C16orf54: variants seen among roughly 807,000 people sequenced by gnomAD.
C16orf54 encodes the protein chromosome 16 open reading frame 54, also known as transmembrane protein C16orf54.
Under a neutral mutation model 3.9 loss-of-function variants are expected in C16orf54, and 2 were observed. The ratio of observed to expected loss-of-function variants is 0.52; its 90% CI spans 0.21 to 1.63. The LOEUF is 1.63. Among genes scored for constraint, C16orf54 ranks in the 40% most tolerant of loss-of-function variants. The pLI is 0.21. For synonymous variants in C16orf54, 128 were observed against 135.1 expected (o/e 0.95, Z 0.37); for missense variants, 272 against 326.3 (o/e 0.83, Z 1.28).
Position 29,744,347 on chromosome 16 carries a change from TGGAGGCCC to T in C16orf54, c.597_604del (p.Trp199Ter). 6.2e-7 allele frequency: 1 copy of T among 1,612,906 alleles called. No individual in the cohort carries two copies. Among genetic ancestry groups the T allele is most frequent in the Non-Finnish European group, 8.5e-7 (1 of 1,179,964 alleles). On this transcript the variant is annotated stop_gained and frameshift_variant, in exon 2 of 2. Transcript: ENST00000329410. LOFTEE classifies it high-confidence loss of function. The surrounding 1 kb of genome is among the most constrained non-coding windows in gnomAD (Gnocchi z 7.1). Reference sequence around the variant, plus strand: ...GATCTGCTCCAAGGTGACCCGTGGCTGGAGGCCCCACTCAGGATCCGGGCTCCCTGGCC... The same window carrying T: ...GATCTGCTCCAAGGTGACCCGTGGCTCACTCAGGATCCGGGCTCCCTGGCC...
Position 29,743,107 on chromosome 16 carries a change from G to T in C16orf54, c.*1170C>A, listed in dbSNP as rs888780411. 1.3e-5 allele frequency: 2 copies of T among 151,938 alleles called. No homozygotes were observed. The highest frequency in any genetic ancestry group is 1.9e-4 in the East Asian group (1 of 5,170). The allele number at this position is 151,938 out of a possible 1,614,324, so 9.4% of individuals were successfully genotyped here. A position where few individuals can be genotyped will look rare whatever the true frequency, so the allele number is the denominator to read the frequency against. ...ACAAAAAAAATACAAAAATTAGCTG[G>T]GCGTGGTGGTATGCACCTGCAGTCC... is the stretch of plus-strand genomic sequence containing the variant. On this transcript the variant is annotated 3_prime_UTR_variant, in exon 2 of 2. Transcript: ENST00000329410.
At chr16:29,745,397 C>T in intron 1 of C16orf54, 1 of 154,774 alleles carries the variant, frequency 6.5e-6, no homozygotes, top group Non-Finnish European at 1.4e-5. Context: ...TAAGCGTGAG[C>T]CAGGTGGGGT....
At chr16:29,745,666 G>A (rs1202402478) in intron 1 of C16orf54, among the ~76,000 whole-genome samples, 1 of 151,950 alleles carries the variant, frequency 6.6e-6, no homozygotes, top group African/African-American at 2.4e-5. Flanking sequence ...CAGCACCTCC[G>A]CTGGCCCCTT....
At position 29,744,614 on chromosome 16, in the gene C16orf54, T is replaced by G; in HGVS notation, c.338A>C (p.Gln113Pro). 1 of 1,464,170 alleles carries G rather than the reference T, an allele frequency of 6.8e-7. No homozygotes were observed. Among genetic ancestry groups the G allele is most frequent in the Non-Finnish European group, 9.0e-7 (1 of 1,108,408 alleles). The allele number at this position is 1,464,170 out of a possible 1,614,324, so 90.7% of individuals were successfully genotyped here. Residue 113 changes from glutamine to proline, a missense_variant, in exon 2 of 2, where the codon CAG becomes CCG. Physicochemically the swap from Gln to Pro is moderately conservative, Grantham distance 76 (BLOSUM62 -1). Coordinates refer to ENST00000329410, the MANE Select transcript of C16orf54 (RefSeq NM_175900.4). This position sits in a 1 kb window ranked among gnomAD's most constrained non-coding sequence, Gnocchi z 7.1. ...TGCTCGGGCCTCCAAAGTGCCCACC[T>G]GGGTGGGAGGCTCAGGGGCCCGATC... is the stretch of plus-strand genomic sequence containing the variant. ...LTDRAPEPPT[Q>P]VGTLEARATA...
chr16:29,744,144 G>T lies in C16orf54; in HGVS notation c.*133C>A. 1 of 837,510 alleles carries T rather than the reference G, an allele frequency of 1.2e-6. No individual in the cohort carries two copies. The highest frequency in any genetic ancestry group is 1.9e-6 in the Non-Finnish European group (1 of 518,448). 51.9% of individuals were successfully genotyped at this position (837,510 alleles called of 1,614,324 possible). The stretch of plus-strand genomic sequence containing the variant: ...CTGGCCACCACCCAGACCCGGGGAG[G>T]GGGACTCCAGGTGGAAGGAGCCTGG... On this transcript the variant is annotated 3_prime_UTR_variant, in exon 2 of 2. Coordinates refer to ENST00000329410, the MANE Select transcript of C16orf54 (RefSeq NM_175900.4). This position sits in a 1 kb window ranked among gnomAD's most constrained non-coding sequence, Gnocchi z 7.1.
chr16:29,745,478 C>A (rs1968125269), intron 1 of C16orf54: 1 of 152,666 alleles, frequency 6.6e-6, no homozygotes, highest in Admixed American at 6.5e-5. Context: ...TTTCCAGAAT[C>A]CCCATTTCCC....
At position 29,743,264 on chromosome 16, in the gene C16orf54, A is replaced by G. The variant is rs1968086144; in HGVS notation, c.*1013T>C. 1.3e-5 allele frequency: 2 copies of G among 151,124 alleles called. No individual in the cohort carries two copies. 9.4% of individuals were successfully genotyped at this position (151,124 alleles called of 1,614,324 possible). A position where few individuals can be genotyped will look rare whatever the true frequency, so the allele number is the denominator to read the frequency against. ...GATTCTGTCTCAAAAAAAAAAAAAAAAAAAAAAAAAAGACAAAGTTTGGAA... is the reference window on the plus strand; with the variant it reads ...GATTCTGTCTCAAAAAAAAAAAAAAGAAAAAAAAAAAGACAAAGTTTGGAA... On this transcript the variant is annotated 3_prime_UTR_variant, in exon 2 of 2. Coordinates refer to ENST00000329410, the MANE Select transcript of C16orf54 (RefSeq NM_175900.4).
In C16orf54 at chr16:29,743,214, A is replaced by C. The variant is rs1968084414; in HGVS notation, c.*1063T>G. ...TAGTGAGTTGAGATTGTGCCACTGCACTCCAGTCTGGGTGACAGAGTTGAG... is the reference window on the plus strand; with the variant it reads ...TAGTGAGTTGAGATTGTGCCACTGCCCTCCAGTCTGGGTGACAGAGTTGAG... On this transcript the variant is annotated 3_prime_UTR_variant, in exon 2 of 2. Transcript: ENST00000329410. The C allele has an allele frequency of 8.1e-6, 1 of 123,340 alleles. No individual in the cohort carries two copies. Among genetic ancestry groups the C allele is most frequent in the Non-Finnish European group, 1.6e-5 (1 of 62,862 alleles). The allele number at this position is 123,340 out of a possible 1,614,324, so 7.6% of individuals were successfully genotyped here. A position where few individuals can be genotyped will look rare whatever the true frequency, so the allele number is the denominator to read the frequency against.
rs1968103958 is a variant in C16orf54, at chr16:29,744,165, C to G, written c.*112G>C. 3 of 1,007,170 alleles carry G rather than the reference C, an allele frequency of 3.0e-6. No homozygotes were observed. The highest frequency in any genetic ancestry group is 4.5e-6 in the Non-Finnish European group (3 of 668,042). 62.4% of individuals were successfully genotyped at this position (1,007,170 alleles called of 1,614,324 possible). On this transcript the variant is annotated 3_prime_UTR_variant, in exon 2 of 2. Coordinates refer to ENST00000329410, the MANE Select transcript of C16orf54 (RefSeq NM_175900.4). This position sits in a 1 kb window ranked among gnomAD's most constrained non-coding sequence, Gnocchi z 7.1. The stretch of plus-strand genomic sequence containing the variant: ...GGAGGGGGACTCCAGGTGGAAGGAG[C>G]CTGGGAAGGGCATCTTCGCTGGGGC...
Position 29,744,417 on chromosome 16 carries a change from T to C in C16orf54, c.535A>G (p.Ser179Gly). Residue 179 changes from serine (S) to glycine (G), a missense_variant, in exon 2 of 2, where the codon AGC becomes GGC. Physicochemically the swap from Ser to Gly is moderately conservative, Grantham distance 56. Coordinates refer to ENST00000329410, the MANE Select transcript of C16orf54 (RefSeq NM_175900.4). This position sits in a 1 kb window ranked among gnomAD's most constrained non-coding sequence, Gnocchi z 7.1. ...WAEPEQRPEA[S>G]VQFGSPQARR... is the part of the protein sequence containing the mutation. ...GCCTGGGGGCTCCCAAACTGGACGC[T>C]GGCCTCTGGCCTCTGCTCGGGTTCA... 6.3e-7 allele frequency: 1 copy of C among 1,581,470 alleles called. No homozygotes were observed. Among genetic ancestry groups the C allele is most frequent in the Non-Finnish European group, 8.6e-7 (1 of 1,164,864 alleles).
Position 29,744,960 on chromosome 16 carries a change from C to G in C16orf54, c.1-9G>C. The G allele has an allele frequency of 7.0e-7, 1 of 1,432,666 alleles. No homozygotes were observed. The highest frequency in any genetic ancestry group is 2.7e-5 in the East Asian group (1 of 37,454). The allele number at this position is 1,432,666 out of a possible 1,614,324, so 88.7% of individuals were successfully genotyped here. A position where few individuals can be genotyped will look rare whatever the true frequency, so the allele number is the denominator to read the frequency against. ...TCTGGAGTCAACGGCATCTGAGAGA[C>G]ACAGGGGTGAGAAGAGGAAGTAAAT... On this transcript the variant is annotated splice_polypyrimidine_tract_variant and intron_variant, in intron 1 of 1. Transcript: ENST00000329410. The surrounding 1 kb of genome is among the most constrained non-coding windows in gnomAD (Gnocchi z 7.1).
chr16:29,744,388 C>A lies in C16orf54; in HGVS notation c.564G>T (p.Arg188Ser). 6.2e-7 allele frequency: 1 copy of A among 1,607,182 alleles called. No homozygotes were observed. Among genetic ancestry groups the A allele is most frequent in the Non-Finnish European group, 8.5e-7 (1 of 1,177,644 alleles). The change falls in exon 2 of 2, where the codon AGG (arginine) becomes AGT (serine). Residue 188 changes from arginine to serine, a missense_variant. Physicochemically the swap from Arg to Ser is moderately radical, Grantham distance 110. Transcript: ENST00000329410. This position sits in a 1 kb window ranked among gnomAD's most constrained non-coding sequence, Gnocchi z 7.1. ...GATCCGGGCTCCCTGGCCGCTGCCTCCTGGCCTGGGGGCTCCCAAACTGGA... is the reference window on the plus strand; with the variant it reads ...GATCCGGGCTCCCTGGCCGCTGCCTACTGGCCTGGGGGCTCCCAAACTGGA... ...ASVQFGSPQA[R>S]RQRPGSPDPE...
chr16:29,744,401 C>T lies in C16orf54; in HGVS notation c.551G>A (p.Ser184Asn), dbSNP rs1435855993. Residue 184 changes from serine (S) to asparagine (N), a missense_variant, in exon 2 of 2, where the codon AGC becomes AAC. Coordinates refer to ENST00000329410, the MANE Select transcript of C16orf54 (RefSeq NM_175900.4). The surrounding 1 kb of genome is among the most constrained non-coding windows in gnomAD (Gnocchi z 7.1). ...TGGCCGCTGCCTCCTGGCCTGGGGG[C>T]TCCCAAACTGGACGCTGGCCTCTGG... The part of the protein sequence containing the change: ...QRPEASVQFG[S>N]PQARRQRPGS... The T allele has an allele frequency of 1.9e-6, 3 of 1,601,664 alleles. No individual in the cohort carries two copies. The highest frequency in any genetic ancestry group is 2.6e-6 in the Non-Finnish European group (3 of 1,175,142).
At position 29,744,931 on chromosome 16, in the gene C16orf54, C is replaced by T. The variant is rs370513110; in HGVS notation, c.21G>A (p.Pro7=). 4.9e-5 allele frequency: 71 copies of T among 1,462,410 alleles called. No homozygotes were observed. In the South Asian group the frequency reaches 5.3e-4, roughly 11 times the overall value. 90.6% of individuals were successfully genotyped at this position (1,462,410 alleles called of 1,614,324 possible). ...GGGGCCCCTCCACGCGCCCAGAGGG[C>T]GGCTCTGGAGTCAACGGCATCTGAG... MPLTPE[P]PSGRVEGPPA... Residue 7 remains proline (P), a synonymous_variant, in exon 2 of 2, where the codon CCG becomes CCA. Transcript: ENST00000329410. The surrounding 1 kb of genome is among the most constrained non-coding windows in gnomAD (Gnocchi z 7.1).
chr16:29,744,928 G>A lies in C16orf54; in HGVS notation c.24C>T (p.Pro8=), dbSNP rs756355279. The part of the protein sequence containing the change: MPLTPEP[P]SGRVEGPPAW... Reference sequence around the variant, plus strand: ...CGGGGGGCCCCTCCACGCGCCCAGAGGGCGGCTCTGGAGTCAACGGCATCT... The same window carrying A: ...CGGGGGGCCCCTCCACGCGCCCAGAAGGCGGCTCTGGAGTCAACGGCATCT... Residue 8 remains proline (P), a synonymous_variant, in exon 2 of 2, where the codon CCC becomes CCT. Coordinates refer to ENST00000329410, the MANE Select transcript of C16orf54 (RefSeq NM_175900.4). The surrounding 1 kb of genome is among the most constrained non-coding windows in gnomAD (Gnocchi z 7.1). 1 of 1,467,390 alleles carries A rather than the reference G, an allele frequency of 6.8e-7. No homozygotes were observed. Among genetic ancestry groups the A allele is most frequent in the East Asian group, 2.6e-5 (1 of 38,688 alleles). The allele number at this position is 1,467,390 out of a possible 1,614,324, so 90.9% of individuals were successfully genotyped here.
In C16orf54 at chr16:29,742,523, T is replaced by C. The variant is rs557969843; in HGVS notation, c.*1754A>G. 8.5e-5 allele frequency: 13 copies of C among 152,346 alleles called. No individual in the cohort carries two copies. The highest frequency in any genetic ancestry group is 7.8e-4 in the Admixed American group (12 of 15,304). The allele number at this position is 152,346 out of a possible 1,614,324, so 9.4% of individuals were successfully genotyped here. Reference sequence around the variant, plus strand: ...TTCTATTGATGGCAAATGAGACTGGTTTTCCATTTACAGAAGTGATACAAA... The same window carrying C: ...TTCTATTGATGGCAAATGAGACTGGCTTTCCATTTACAGAAGTGATACAAA... On this transcript the variant is annotated 3_prime_UTR_variant, in exon 2 of 2. Coordinates refer to ENST00000329410, the MANE Select transcript of C16orf54 (RefSeq NM_175900.4).
At position 29,744,541 on chromosome 16, in the gene C16orf54, C is replaced by T; in HGVS notation, c.411G>A (p.Leu137=). Residue 137 remains leucine, a synonymous_variant, in exon 2 of 2, where the codon TTG becomes TTA. Coordinates refer to ENST00000329410, the MANE Select transcript of C16orf54 (RefSeq NM_175900.4). This position sits in a 1 kb window ranked among gnomAD's most constrained non-coding sequence, Gnocchi z 7.1. ...GGACCTCCAGTACGGTCTGGGGGCCCAAGTTGCTGGGAGCAGAATTTGGGG... is the reference window on the plus strand; with the variant it reads ...GGACCTCCAGTACGGTCTGGGGGCCTAAGTTGCTGGGAGCAGAATTTGGGG... ...PSAPNSAPSN[L]GPQTVLEVPA... 1 of 1,498,698 alleles carries T rather than the reference C, an allele frequency of 6.7e-7. No individual in the cohort carries two copies. The highest frequency in any genetic ancestry group is 8.9e-7 in the Non-Finnish European group (1 of 1,125,034). 92.8% of individuals were successfully genotyped at this position (1,498,698 alleles called of 1,614,324 possible). A position where few individuals can be genotyped will look rare whatever the true frequency, so the allele number is the denominator to read the frequency against.
At chr16:29,745,379 A>G (rs1968124203) in intron 1 of C16orf54, 1 of 156,862 alleles carries the variant, frequency 6.4e-6, no homozygotes, top group African/African-American at 2.4e-5. Context: ...AAGAGGGACC[A>G]GAAAGGGTAA....
At position 29,744,322 on chromosome 16, in the gene C16orf54, G is replaced by A; in HGVS notation, c.630C>T (p.Ile210=). 1 of 1,613,056 alleles carries A rather than the reference G, an allele frequency of 6.2e-7. No individual in the cohort carries two copies. The highest frequency in any genetic ancestry group is 8.5e-7 in the Non-Finnish European group (1 of 1,180,002). The change falls in exon 2 of 2, where the codon ATC becomes ATT. Residue 210 remains isoleucine, a synonymous_variant. Transcript: ENST00000329410. The surrounding 1 kb of genome is among the most constrained non-coding windows in gnomAD (Gnocchi z 7.1). ...GLQPRVTLEQ[I]SAFWKREGRT... ...GGCCTTCACGCTTCCAGAAAGCTGA[G>A]ATCTGCTCCAAGGTGACCCGTGGCT...
Sources: gnomAD v4.1 joint callset for allele counts (sites outside exome capture counted in the v4.1 genomes callset) on GRCh38, gnomAD v4.1.1 for gene constraint, Gnocchi (gnomAD v3.1) non-coding constraint, MANE v1.5 for transcripts, NCBI Gene and HGNC (gene_info 2026-07-23, HGNC 2026-07-21) for gene names.